Variants in NCOA1 observed in about 807,000 individuals in gnomAD.
The protein encoded by NCOA1 is Hin-2 protein.
NCOA1 carries 35 observed loss-of-function variants against 150.9 expected under a neutral mutation model. That is an observed-to-expected ratio of 0.23 (90% CI 0.18 to 0.31). The LOEUF (loss-of-function observed/expected upper bound fraction) is 0.31. Ranked by LOEUF, NCOA1 falls within the 10% of genes least tolerant of loss-of-function variation. The pLI is 1.00. For missense variants in NCOA1, 1,491 were observed against 1,749.3 expected (o/e 0.85, Z 2.63); for synonymous variants, 590 against 630.0 (o/e 0.94, Z 0.95).
At chr2:24,708,703 C>T (rs967800396) in intron 13 of NCOA1, among the ~76,000 whole-genome samples, 1 of 152,190 alleles carries the variant, frequency 6.6e-6, no homozygotes, top group African/African-American at 2.4e-5. Flanking sequence ...ATCCACGAGA[C>T]TCCATTCTAA....
intron 1 of NCOA1, among the ~76,000 whole-genome samples, chr2:24,552,234 T>G (rs1221229347): frequency 6.7e-6 from 1 of 148,592 alleles, no homozygotes; most frequent in Non-Finnish European, 1.5e-5. Context: ...AAAATTGACA[T>G]CTTAACAATA....
At chr2:24,664,584 TG>T (rs1671327972) in intron 5 of NCOA1, among the ~76,000 whole-genome samples, 1 of 152,010 alleles carries the variant, frequency 6.6e-6, no homozygotes, top group African/African-American at 2.4e-5. Flanking sequence ...GGCGTGCGCC[TG>T]TAGTCCCAGC....
chr2:24,716,923 G>A (rs1218925073), intron 14 of NCOA1, among the ~76,000 whole-genome samples: 1 of 152,008 alleles, frequency 6.6e-6, no homozygotes, highest in Admixed American at 6.5e-5. Flanking sequence ...CTGATATAAA[G>A]GAGTGATACC....
At chr2:24,736,317 A>G (rs1378867732) in intron 17 of NCOA1, among the ~76,000 whole-genome samples, 4 of 152,200 alleles carry the variant, frequency 2.6e-5, no homozygotes, top group African/African-American at 4.8e-5. Context: ...TTCCCCAGCA[A>G]GGATCATGAT....
chr2:24,586,706 G>A (rs932045581), intron 3 of NCOA1, among the ~76,000 whole-genome samples: 1 of 152,132 alleles, frequency 6.6e-6, no homozygotes, highest in African/African-American at 2.4e-5. Context: ...TGCCTGCCTT[G>A]GCCTCCCAAA....
At chr2:24,751,123 G>A (rs551631395) in intron 19 of NCOA1, among the ~76,000 whole-genome samples, 34 of 151,190 alleles carry the variant, frequency 2.2e-4, no homozygotes, top group African/African-American at 7.0e-4. Flanking sequence ...AAGTAGCTGA[G>A]ATAACAGGCG....
chr2:24,729,590 C>T lies in NCOA1; in HGVS notation c.2976C>T (p.Ser992=). 1 of 1,614,118 alleles carries T rather than the reference C, an allele frequency of 6.2e-7. No individual in the cohort carries two copies. ...LIMEERPNLY[S]QPYSSPSPTA... is the part of the protein sequence containing the mutation. ...TGGAAGAAAGACCCAACCTTTATTC[C>T]CAGCCTTACTCTTCTCCTTCTCCTA... Residue 992 remains serine (S), a synonymous_variant, in exon 17 of 23, where the codon TCC becomes TCT. Transcript: ENST00000348332.
intron 2 of NCOA1, among the ~76,000 whole-genome samples, chr2:24,583,749 G>A (rs1323477728): frequency 6.6e-6 from 1 of 152,130 alleles, no homozygotes; most frequent in Non-Finnish European, 1.5e-5. Context: ...GAGCAATGTG[G>A]ATGAACCTGG....
intron 2 of NCOA1, among the ~76,000 whole-genome samples, chr2:24,576,887 G>T (rs1330333655): frequency 2.0e-5 from 3 of 152,194 alleles, no homozygotes; most frequent in African/African-American, 7.2e-5. Context: ...TAGGGTAGTT[G>T]ATCAAGAATT....
intron 3 of NCOA1, among the ~76,000 whole-genome samples, chr2:24,592,259 G>T (rs906681487): frequency 2.0e-5 from 3 of 152,168 alleles, no homozygotes; most frequent in African/African-American, 7.2e-5. Flanking sequence ...AAGCAACCTT[G>T]TGCTCTTAAT....
At chr2:24,498,778 T>G (rs753017870) in intron 1 of NCOA1, among the ~76,000 whole-genome samples, 1 of 152,156 alleles carries the variant, frequency 6.6e-6, no homozygotes, top group African/African-American at 2.4e-5. Context: ...TATGTAGATA[T>G]GGATGAAAAT....
intron 3 of NCOA1, among the ~76,000 whole-genome samples, chr2:24,641,789 G>T (rs1670228325): frequency 6.6e-6 from 1 of 151,860 alleles, no homozygotes; most frequent in South Asian, 2.1e-4. Flanking sequence ...TCAAAATTTT[G>T]TCTTAATTTT....
intron 3 of NCOA1, among the ~76,000 whole-genome samples, chr2:24,628,025 C>T (rs1021620279): frequency 3.3e-5 from 5 of 152,140 alleles, no homozygotes; most frequent in Admixed American, 6.5e-5. Context: ...GGAGGCCGGG[C>T]GCGGTGGCTC....
chr2:24,719,367 C>G (rs1043959631), intron 14 of NCOA1, among the ~76,000 whole-genome samples: 4 of 151,994 alleles, frequency 2.6e-5, no homozygotes, highest in Admixed American at 2.6e-4. Context: ...AGTGGAAAGT[C>G]CTGGGTTTAT....
At chr2:24,748,102 G>T (rs149889654) in intron 19 of NCOA1, among the ~76,000 whole-genome samples, 1 of 150,024 alleles carries the variant, frequency 6.7e-6, no homozygotes, top group Non-Finnish European at 1.5e-5. Context: ...ACAAAACTCC[G>T]CCTCAAAAAA....
Position 24,552,343 on chromosome 2 carries a change from ATATATATATATTTTTTTTTTTTTTTTT to A in NCOA1, c.-395-11950_-395-11924del, listed in dbSNP as rs1181473332. On this transcript the variant is annotated intron_variant, in intron 1 of 22. Coordinates refer to ENST00000348332, the MANE Select transcript of NCOA1 (RefSeq NM_003743.5). ...ATATTATATATATATATATATATAT[ATATATATATATTTTTTTTTTTTTTTTT>A]TTTTTTTTTTTTTTGAGATGGAGTC... 2.4e-4 allele frequency among the ~76,000 whole-genome samples: 7 copies of A among 28,852 alleles called. No individual in the cohort carries two copies. The East Asian group carries it at 4.4e-3, about 18-fold the overall frequency. The allele number at this position is 28,852 out of a possible 152,430, so 18.9% of individuals were successfully genotyped here.
chr2:24,604,436 G>A (rs1020610133), intron 3 of NCOA1, among the ~76,000 whole-genome samples: 4 of 152,282 alleles, frequency 2.6e-5, no homozygotes, highest in Middle Eastern at 3.4e-3. Flanking sequence ...CATCTACATT[G>A]AAATCTGCTG....
At chr2:24,732,683 A>G (rs1050519170) in intron 17 of NCOA1, among the ~76,000 whole-genome samples, 2 of 152,176 alleles carry the variant, frequency 1.3e-5, no homozygotes, top group African/African-American at 2.4e-5. Context: ...TGACAATCCA[A>G]AATGAAAGCA....
intron 3 of NCOA1, among the ~76,000 whole-genome samples, chr2:24,606,088 T>A (rs951056053): frequency 7.9e-5 from 12 of 152,250 alleles, no homozygotes; most frequent in Non-Finnish European, 1.3e-4. Context: ...AGATTTTTTT[T>A]AAAAAAATTT....
Sources: allele counts gnomAD v4.1 joint callset (sites outside exome capture counted in the v4.1 genomes callset), GRCh38; gene constraint gnomAD v4.1.1; transcripts MANE v1.5; gene names NCBI Gene and HGNC (gene_info 2026-07-23, HGNC 2026-07-21).